Variants in PTPRM observed in about 807,000 individuals in gnomAD.
PTPRM encodes protein tyrosine phosphatase receptor type M.
A neutral mutation model predicts 186.7 loss-of-function variants in PTPRM; 47 were observed. That is an observed-to-expected ratio of 0.25 (90% CI 0.20 to 0.32). The LOEUF (loss-of-function observed/expected upper bound fraction) is 0.32. PTPRM is among the 10% of genes least tolerant of loss of function. PTPRM has a pLI of 1.00. For synonymous variants in PTPRM, 668 were observed against 674.9 expected, an observed-to-expected ratio of 0.99 and a Z score of 0.16; for missense variants, 1,494 against 1,865.0, an observed-to-expected ratio of 0.80 and a Z score of 3.66.
intron 2 of PTPRM, among the ~76,000 whole-genome samples, chr18:7,817,605 G>C (rs930892705): frequency 2.7e-5 from 4 of 145,568 alleles, no homozygotes; most frequent in Admixed American, 1.5e-4. Flanking sequence ...AATATGTGAA[G>C]TGATTTCTAT....
At chr18:7,866,093 G>T (rs1420439605) in intron 2 of PTPRM, among the ~76,000 whole-genome samples, 1 of 151,748 alleles carries the variant, frequency 6.6e-6, no homozygotes, top group Non-Finnish European at 1.5e-5. Context: ...TCATTAATCT[G>T]GCTAAGGGTC....
rs532409908 is a variant in PTPRM, at chr18:8,406,403, G to A, written c.*241G>A. 41 of 518,950 alleles carry A rather than the reference G, an allele frequency of 7.9e-5. No individual in the cohort carries two copies. Among genetic ancestry groups the A allele is most frequent in the African/African-American group, 4.4e-4 (23 of 51,790 alleles). 32.1% of individuals were successfully genotyped at this position (518,950 alleles called of 1,614,324 possible). On this transcript the variant is annotated 3_prime_UTR_variant, in exon 33 of 33. Transcript: ENST00000580170. Reference sequence around the variant, plus strand: ...GCCAAATCCCGTACTCCTTGCCACCGGCTTCCTAGAGCAGCGTAGACAGCT... The same window carrying A: ...GCCAAATCCCGTACTCCTTGCCACCAGCTTCCTAGAGCAGCGTAGACAGCT...
At chr18:8,227,670 G>A (rs964908654) in intron 14 of PTPRM, among the ~76,000 whole-genome samples, 1 of 152,178 alleles carries the variant, frequency 6.6e-6, no homozygotes, top group Non-Finnish European at 1.5e-5. Flanking sequence ...GAAAGTGGAG[G>A]TAGTGTTCCA....
chr18:7,678,683 C>A (rs2039407494), intron 1 of PTPRM, among the ~76,000 whole-genome samples: 1 of 152,152 alleles, frequency 6.6e-6, no homozygotes, highest in Non-Finnish European at 1.5e-5. Flanking sequence ...ACCGTACTTA[C>A]CAAAGTCTTT....
At chr18:8,095,833 G>C (rs1205477766) in intron 11 of PTPRM, among the ~76,000 whole-genome samples, 1 of 152,150 alleles carries the variant, frequency 6.6e-6, no homozygotes, top group African/African-American at 2.4e-5. Context: ...CTGGGGTATT[G>C]TTAAAGTGAA....
chr18:8,007,141 C>A (rs940132857), intron 7 of PTPRM, among the ~76,000 whole-genome samples: 2 of 152,182 alleles, frequency 1.3e-5, no homozygotes, highest in Non-Finnish European at 2.9e-5. Context: ...TAGGAATCTG[C>A]AGTTTCACAA....
intron 1 of PTPRM, among the ~76,000 whole-genome samples, chr18:7,575,360 A>G (rs939877217): frequency 3.9e-5 from 6 of 152,182 alleles, no homozygotes; most frequent in Non-Finnish European, 7.3e-5. Context: ...CCCCATCCAT[A>G]GATGGCTTCC....
At chr18:7,898,748 A>G (rs2049503554) in intron 3 of PTPRM, among the ~76,000 whole-genome samples, 1 of 152,180 alleles carries the variant, frequency 6.6e-6, no homozygotes. Flanking sequence ...CAGGGCTGCA[A>G]ATATCTGGGC....
In PTPRM at chr18:8,376,269, T is replaced by C. The variant is rs1266337269; in HGVS notation, c.3326+69T>C. On this transcript the variant is annotated intron_variant, in intron 25 of 32. Transcript: ENST00000580170. ...ATGGGTGCAGGGCCACCTTTGGGGA[T>C]GATGAGTATGTTTTAGAACTTCAGA... The C allele has an allele frequency of 7.6e-6, 12 of 1,574,556 alleles. No individual in the cohort carries two copies. In the East Asian group the frequency reaches 1.4e-4, roughly 18 times the overall value.
At chr18:8,156,751 T>C (rs2093129842) in intron 14 of PTPRM, among the ~76,000 whole-genome samples, 2 of 152,326 alleles carry the variant, frequency 1.3e-5, no homozygotes, top group African/African-American at 4.8e-5. Context: ...CAGTTTACCA[T>C]TGCTTTAAGT....
chr18:8,085,583 G>GTGGGTTTAT, intron 9 of PTPRM, 88 bp from the exon 10 acceptor site: 1 of 1,125,446 alleles, frequency 8.9e-7, no homozygotes, highest in East Asian at 2.4e-5. Context: ...GTGTCTGACA[G>GTGGGTTTAT]TGCATACATC....
At chr18:8,269,994 T>C (rs1260730895) in intron 19 of PTPRM, 1 of 152,022 alleles carries the variant, frequency 6.6e-6, no homozygotes, top group African/African-American at 2.4e-5. Context: ...CTTTGTTTGT[T>C]TGTTTTCTTA....
chr18:8,056,597 G>T (rs2087962358), intron 7 of PTPRM, among the ~76,000 whole-genome samples: 1 of 151,874 alleles, frequency 6.6e-6, no homozygotes, highest in Non-Finnish European at 1.5e-5. Context: ...ACTCCAGCCT[G>T]GGCGAAAGAG....
intron 2 of PTPRM, among the ~76,000 whole-genome samples, chr18:7,793,221 T>C (rs375379509): frequency 3.3e-5 from 5 of 152,178 alleles, no homozygotes; most frequent in African/African-American, 1.2e-4. Context: ...GTTAGCGTAG[T>C]TGTTAAGAGC....
intron 7 of PTPRM, among the ~76,000 whole-genome samples, chr18:8,032,371 GT>G (rs1422573723): frequency 2.6e-5 from 4 of 152,112 alleles, no homozygotes; most frequent in Admixed American, 1.3e-4. Flanking sequence ...TCCTCTTATT[GT>G]TGTTTCCACT....
At chr18:7,944,443 G>A (rs994588404) in intron 5 of PTPRM, among the ~76,000 whole-genome samples, 9 of 152,132 alleles carry the variant, frequency 5.9e-5, no homozygotes, top group African/African-American at 1.7e-4. Flanking sequence ...GTCCATTACT[G>A]TACACACAGA....
chr18:7,619,706 T>C (rs1204809633), intron 1 of PTPRM, among the ~76,000 whole-genome samples: 1 of 152,146 alleles, frequency 6.6e-6, no homozygotes, highest in African/African-American at 2.4e-5. Context: ...AATGAACAGG[T>C]GGGCAGCAGG....
chr18:8,304,764 T>G (rs1347929647), intron 20 of PTPRM, among the ~76,000 whole-genome samples: 1 of 152,162 alleles, frequency 6.6e-6, no homozygotes, highest in African/African-American at 2.4e-5. Context: ...TGCTAACATT[T>G]TTTTTATGTT....
intron 7 of PTPRM, among the ~76,000 whole-genome samples, chr18:8,050,354 A>T (rs770539580): frequency 1.3e-5 from 2 of 152,222 alleles, no homozygotes; most frequent in Non-Finnish European, 2.9e-5. Context: ...TCAGGAAGGC[A>T]TTCTGGCAGT....
Sources: gnomAD v4.1 joint callset for allele counts (sites outside exome capture counted in the v4.1 genomes callset) on GRCh38, gnomAD v4.1.1 for gene constraint, MANE v1.5 for transcripts, NCBI Gene and HGNC (gene_info 2026-07-23, HGNC 2026-07-21) for gene names.